The following IL1RAPL1 variants were observed in gnomAD, a reference collection of about 807,000 sequenced individuals.
IL1RAPL1 encodes the protein interleukin-1 receptor accessory protein-like 1.
Under a neutral mutation model 48.4 loss-of-function variants are expected in IL1RAPL1, and 3 were observed. The observed-to-expected ratio is 0.06, with a 90% CI of 0.03 to 0.16. IL1RAPL1 has a LOEUF of 0.16. IL1RAPL1 is among the 10% of genes least tolerant of loss of function. The probability of loss-of-function intolerance (pLI) is 1.00; values close to 1 mark genes in which losing one functional copy is unlikely to be tolerated. For synonymous variants in IL1RAPL1, 185 were observed against 187.7 expected, an observed-to-expected ratio of 0.99 and a Z score of 0.12; for missense variants, 349 against 530.6, an observed-to-expected ratio of 0.66 and a Z score of 3.36.
chrX:28,947,729 T>A (rs1351566401), intron 2 of IL1RAPL1, among the ~76,000 whole-genome samples: 3 of 111,935 alleles, frequency 2.7e-5, no homozygotes, highest in Non-Finnish European at 5.6e-5. Flanking sequence ...TAACTTACTG[T>A]TTAGCATGTA....
chrX:29,294,995 C>T (rs192625125), intron 3 of IL1RAPL1, among the ~76,000 whole-genome samples: 324 of 110,577 alleles, frequency 2.9e-3, no homozygotes, highest in African/African-American at 0.01. Context: ...TCTATGAAAC[C>T]AGAGAAATTA....
intron 6 of IL1RAPL1, among the ~76,000 whole-genome samples, chrX:29,803,569 GTA>G (rs1930172094): frequency 2.0e-5 from 2 of 98,885 alleles, no homozygotes; most frequent in Non-Finnish European, 2.0e-5. Flanking sequence ...ATGTATATAT[GTA>G]TACATATATG....
chrX:28,686,989 T>C (rs1935118100), intron 1 of IL1RAPL1, among the ~76,000 whole-genome samples: 1 of 112,164 alleles, frequency 8.9e-6, no homozygotes, highest in Admixed American at 9.5e-5. Context: ...GAATGGATTT[T>C]TAGAGCTTAT....
At chrX:29,540,183 T>G (rs773528567) in intron 5 of IL1RAPL1, among the ~76,000 whole-genome samples, 6 of 109,349 alleles carry the variant, frequency 5.5e-5, no homozygotes, top group Non-Finnish European at 1.1e-4. Flanking sequence ...TTTTCAATAG[T>G]GACAAAAAAT....
intron 2 of IL1RAPL1, among the ~76,000 whole-genome samples, chrX:29,084,213 T>G (rs1014960521): frequency 1.8e-5 from 2 of 112,101 alleles, no homozygotes; most frequent in Non-Finnish European, 3.8e-5. Flanking sequence ...ACCCTGTACC[T>G]ACCATCTAAT....
At chrX:28,743,454 T>C (rs182330842) in intron 1 of IL1RAPL1, among the ~76,000 whole-genome samples, 11 of 111,711 alleles carry the variant, frequency 9.8e-5, no homozygotes, top group Non-Finnish European at 1.5e-4. Flanking sequence ...TCTTACTAGT[T>C]ACAAGACCTT....
chrX:29,435,051 A>T (rs1239024187), intron 5 of IL1RAPL1, among the ~76,000 whole-genome samples: 1 of 111,270 alleles, frequency 9.0e-6, no homozygotes, highest in Non-Finnish European at 1.9e-5. Context: ...AAACAGAATT[A>T]TACAATAGGT....
chrX:29,919,811 C>T (rs1373704436), intron 7 of IL1RAPL1, 138 bp from the exon 8 acceptor site: 6 of 589,786 alleles, frequency 1.0e-5, no homozygotes, highest in South Asian at 2.5e-5. Flanking sequence ...TTAATTAACA[C>T]AGCATCAATT....
At chrX:29,658,645 C>T (rs1235635108) in intron 5 of IL1RAPL1, among the ~76,000 whole-genome samples, 1 of 111,606 alleles carries the variant, frequency 9.0e-6, no homozygotes, top group Non-Finnish European at 1.9e-5. Flanking sequence ...AAGCAGGACC[C>T]CGATTGTATT....
chrX:28,601,396 G>T (rs1934024691), intron 1 of IL1RAPL1, among the ~76,000 whole-genome samples: 1 of 111,733 alleles, frequency 8.9e-6, no homozygotes, highest in African/African-American at 3.3e-5. Context: ...CTGCACTCTA[G>T]CCTGAGTGAC....
chrX:28,855,458 T>C (rs1363728527), intron 2 of IL1RAPL1, among the ~76,000 whole-genome samples: 1 of 111,916 alleles, frequency 8.9e-6, no homozygotes, highest in Admixed American at 9.5e-5. Flanking sequence ...AATATTACAG[T>C]ACACCAAAGA....
chrX:29,361,815 G>A (rs1193893637), intron 3 of IL1RAPL1, among the ~76,000 whole-genome samples: 1 of 112,102 alleles, frequency 8.9e-6, no homozygotes, highest in East Asian at 2.8e-4. Flanking sequence ...AGAAAGCCAT[G>A]TATTTTAAAA....
chrX:29,909,380 G>C (rs988878368), intron 6 of IL1RAPL1, among the ~76,000 whole-genome samples: 1 of 110,417 alleles, frequency 9.1e-6, no homozygotes, highest in Non-Finnish European at 1.9e-5. Flanking sequence ...GCAGTGAACC[G>C]TGATTGTTTC....
At chrX:29,235,202 C>T (rs1420002228) in intron 2 of IL1RAPL1, among the ~76,000 whole-genome samples, 1 of 111,843 alleles carries the variant, frequency 8.9e-6, no homozygotes, top group East Asian at 2.8e-4. Flanking sequence ...CAAATATTGG[C>T]CACTGAGGTC....
At chrX:29,444,524 G>T (rs1417666514) in intron 5 of IL1RAPL1, among the ~76,000 whole-genome samples, 12 of 109,458 alleles carry the variant, frequency 1.1e-4, no homozygotes, top group Non-Finnish European at 2.3e-4. Flanking sequence ...CTGGACAACA[G>T]AAAACAGAAA....
chrX:29,802,908 T>TATATGTGTAC (rs1476991104), intron 6 of IL1RAPL1, among the ~76,000 whole-genome samples: 8 of 54,022 alleles, frequency 1.5e-4, no homozygotes, highest in African/African-American at 2.8e-4. Context: ...TATATGTGTA[T>TATATGTGTAC]ATATGTGTAC....
intron 5 of IL1RAPL1, among the ~76,000 whole-genome samples, chrX:29,418,221 T>C (rs977316554): frequency 4.1e-5 from 4 of 97,574 alleles, no homozygotes; most frequent in Non-Finnish European, 8.1e-5. Context: ...GCCTCCCAGG[T>C]TTCAAGCGAT....
intron 2 of IL1RAPL1, among the ~76,000 whole-genome samples, chrX:29,025,254 T>A (rs1401345991): frequency 8.9e-6 from 1 of 112,414 alleles, no homozygotes; most frequent in Non-Finnish European, 1.9e-5. Context: ...TGAATAATGC[T>A]GAATGAACGT....
chrX:28,804,611 G>A (rs1184550422), intron 2 of IL1RAPL1, among the ~76,000 whole-genome samples: 1 of 111,036 alleles, frequency 9.0e-6, no homozygotes, highest in Non-Finnish European at 1.9e-5. Flanking sequence ...TCCAGTCTCT[G>A]TAACCTTTAC....
Sources: allele counts gnomAD v4.1 joint callset (sites outside exome capture counted in the v4.1 genomes callset), GRCh38; gene constraint gnomAD v4.1.1; transcripts MANE v1.5; gene names NCBI Gene and HGNC (gene_info 2026-07-23, HGNC 2026-07-21).